Variants in CHRNA9 observed in about 807,000 individuals in gnomAD.
CHRNA9 encodes the protein neuronal acetylcholine receptor subunit alpha-9.
A neutral mutation model predicts 36.8 loss-of-function variants in CHRNA9; 24 were observed. That is an observed-to-expected ratio of 0.65 (90% CI 0.47 to 0.92). CHRNA9 has a LOEUF of 0.92. Among genes scored for constraint, CHRNA9 ranks in the 40% least tolerant of loss-of-function variants. The probability of loss-of-function intolerance (pLI) is 0.00; values close to 1 mark genes in which losing one functional copy is unlikely to be tolerated. For synonymous variants in CHRNA9, 231 were observed against 231.8 expected (o/e 1.00, Z 0.03); for missense variants, 610 against 601.2 (o/e 1.01, Z -0.15).
chr4:40,343,081 C>T (rs769871096), intron 3 of CHRNA9, among the ~76,000 whole-genome samples: 10 of 152,278 alleles, frequency 6.6e-5, no homozygotes, highest in Middle Eastern at 3.4e-3. Context: ...AAACACTGGG[C>T]GACTCTCCCT....
At chr4:40,342,308 T>G (rs1712520845) in intron 3 of CHRNA9, among the ~76,000 whole-genome samples, 5 of 152,132 alleles carry the variant, frequency 3.3e-5, no homozygotes, top group Non-Finnish European at 7.4e-5. Context: ...CAAAGAAACA[T>G]CCTCATGGAA....
At chr4:40,347,480 T>C (rs960270238) in intron 3 of CHRNA9, among the ~76,000 whole-genome samples, 2 of 152,216 alleles carry the variant, frequency 1.3e-5, no homozygotes, top group African/African-American at 4.8e-5. Context: ...TAGAATGCTA[T>C]TTAGACATGA....
At chr4:40,351,698 A>G (rs1274097021) in intron 4 of CHRNA9, among the ~76,000 whole-genome samples, 1 of 152,250 alleles carries the variant, frequency 6.6e-6, no homozygotes, top group Admixed American at 6.5e-5. Context: ...AAAAAAGATG[A>G]TAAACATTAT....
rs200630002 is a variant in CHRNA9, at chr4:40,349,139, T to A, written c.623T>A (p.Met208Lys). Residue 208 changes from methionine (M) to lysine (K), a missense_variant, in exon 4 of 5, where the codon ATG becomes AAG. Met to Lys is a moderately conservative substitution (Grantham distance 95). Coordinates refer to ENST00000310169, the MANE Select transcript of CHRNA9 (RefSeq NM_017581.4). ...IEDVEWEVHG[M>K]PAVKNVISYG... ...GATGTGGAATGGGAGGTCCATGGCA[T>A]GCCCGCTGTGAAGAATGTGATCTCC... The A allele has an allele frequency of 9.6e-5, 155 of 1,614,078 alleles. 3 individuals carry two copies. The Admixed American group carries it at 2.1e-3, about 22-fold the overall frequency.
intron 3 of CHRNA9, among the ~76,000 whole-genome samples, chr4:40,338,858 C>G (rs1325478698): frequency 7.7e-6 from 1 of 129,504 alleles, no homozygotes; most frequent in Admixed American, 7.6e-5. Flanking sequence ...CTCTGTCTCT[C>G]TCTCTCTCTG....
chr4:40,355,104 T>G lies in CHRNA9; in HGVS notation c.*584T>G, dbSNP rs1007849125. The G allele has an allele frequency of 2.6e-4, 39 of 152,352 alleles. No individual in the cohort carries two copies. Among genetic ancestry groups the G allele is most frequent in the African/African-American group, 9.4e-4 (39 of 41,466 alleles). The allele number at this position is 152,352 out of a possible 1,614,324, so 9.4% of individuals were successfully genotyped here. A position where few individuals can be genotyped will look rare whatever the true frequency, so the allele number is the denominator to read the frequency against. On this transcript the variant is annotated 3_prime_UTR_variant, in exon 5 of 5. Transcript: ENST00000310169. ...ATGGTGATGTCGTATATGTTGGTTA[T>G]GTTTTATATAAACCCAAAAGATGAA...
intron 4 of CHRNA9, among the ~76,000 whole-genome samples, chr4:40,352,638 T>C (rs1712834599): frequency 6.7e-6 from 1 of 149,158 alleles, no homozygotes; most frequent in South Asian, 2.1e-4. Flanking sequence ...CAAAAGTTTA[T>C]CAATTTTATT....
chr4:40,348,937 G>C lies in CHRNA9; in HGVS notation c.421G>C (p.Gly141Arg). 1 of 1,614,128 alleles carries C rather than the reference G, an allele frequency of 6.2e-7. No individual in the cohort carries two copies. Among genetic ancestry groups the C allele is most frequent in the Non-Finnish European group, 8.5e-7 (1 of 1,180,014 alleles). Residue 141 changes from glycine (G) to arginine (R), a missense_variant, in exon 4 of 5, where the codon GGG (glycine) becomes CGG (arginine). By Grantham distance (125) the Gly-to-Arg change is moderately radical. Coordinates refer to ENST00000310169, the MANE Select transcript of CHRNA9 (RefSeq NM_017581.4). ...CACCAATGTGGTCCTGCGGTATGAT[G>C]GGCTGATCACCTGGGATGCACCGGC... The part of the protein sequence containing the change: ...VNTNVVLRYD[G>R]LITWDAPAIT...
chr4:40,348,819 G>C (rs1357732712), intron 3 of CHRNA9, 63 bp from the exon 4 acceptor site: 13 of 1,517,406 alleles, frequency 8.6e-6, no homozygotes, highest in Non-Finnish European at 1.2e-5. Context: ...TGAGCTGTCT[G>C]GGGTAAGGAA....
At chr4:40,349,688 A>G in intron 4 of CHRNA9, 1 of 362,590 alleles carries the variant, frequency 2.8e-6, no homozygotes, top group Non-Finnish European at 5.0e-6. Context: ...TGGTCCCCAG[A>G]TGCACAGCAT....
intron 4 of CHRNA9, among the ~76,000 whole-genome samples, chr4:40,352,766 C>A (rs1407686108): frequency 3.3e-5 from 5 of 152,150 alleles, no homozygotes; most frequent in African/African-American, 7.2e-5. Context: ...TTTTCATCAA[C>A]ATGTGCTTTA....
chr4:40,337,709 T>C (rs1392681350), intron 3 of CHRNA9, among the ~76,000 whole-genome samples: 1 of 152,146 alleles, frequency 6.6e-6, no homozygotes, highest in Non-Finnish European at 1.5e-5. Context: ...ATGCCTGAGA[T>C]GAAGGGGTTG....
chr4:40,335,870 T>C lies in CHRNA9; in HGVS notation c.108T>C (p.Asn36=). 6.2e-7 allele frequency: 1 copy of C among 1,613,314 alleles called. No individual in the cohort carries two copies. The highest frequency in any genetic ancestry group is 8.5e-7 in the Non-Finnish European group (1 of 1,179,212). ...ADGKYAQKLF[N]DLFEDYSNAL... The stretch of plus-strand genomic sequence containing the variant: ...GAAAATATGCTCAGAAGTTGTTTAA[T>C]GACCTTTTTGAAGATTATTCTAATG... The change falls in exon 2 of 5, where the codon AAT becomes AAC. Residue 36 remains asparagine, a synonymous_variant. Transcript: ENST00000310169.
intron 3 of CHRNA9, chr4:40,348,272 G>A (rs1712691457): frequency 1.3e-5 from 2 of 152,416 alleles, no homozygotes; most frequent in African/African-American, 4.8e-5. Flanking sequence ...GAAGTAACGG[G>A]AGAAAGAGTA....
chr4:40,345,902 G>A (rs1435861718), intron 3 of CHRNA9, among the ~76,000 whole-genome samples: 1 of 152,102 alleles, frequency 6.6e-6, no homozygotes, highest in Non-Finnish European at 1.5e-5. Context: ...GCTGGCACCT[G>A]TAATCCCAGC....
At position 40,341,286 on chromosome 4, in the gene CHRNA9, G is replaced by T. The variant is rs374987504; in HGVS notation, c.365+3922G>T. Among the ~76,000 whole-genome samples the T allele has an allele frequency of 9.2e-3, 1,358 of 147,224 alleles. 22 individuals are homozygous for T. Among genetic ancestry groups the T allele is most frequent in the African/African-American group, 0.031 (1,239 of 39,986 alleles). ...TTTTCATGGTCAGGTTTTTTTTTTT[G>T]TTTTTTGGCGGGGGTGGTGGCGGTA... On this transcript the variant is annotated intron_variant, in intron 3 of 4. Transcript: ENST00000310169.
chr4:40,350,802 C>T (rs1280651253), intron 4 of CHRNA9, among the ~76,000 whole-genome samples: 1 of 151,442 alleles, frequency 6.6e-6, no homozygotes, highest in Non-Finnish European at 1.5e-5. Context: ...ATTTTATTAC[C>T]TCTCCTGAGG....
chr4:40,335,411 G>C lies in CHRNA9; in HGVS notation c.-57G>C. On this transcript the variant is annotated 5_prime_UTR_variant, in exon 1 of 5. Coordinates refer to ENST00000310169, the MANE Select transcript of CHRNA9 (RefSeq NM_017581.4). Reference sequence around the variant, plus strand: ...GCCCAGATCCTTTGTATTCATAGGGGGAAGTGGAAGACCACGCTGCCTGAC... The same window carrying C: ...GCCCAGATCCTTTGTATTCATAGGGCGAAGTGGAAGACCACGCTGCCTGAC... 2 of 1,277,362 alleles carry C rather than the reference G, an allele frequency of 1.6e-6. No individual in the cohort carries two copies. Among genetic ancestry groups the C allele is most frequent in the South Asian group, 2.4e-5 (2 of 84,314 alleles). The allele number at this position is 1,277,362 out of a possible 1,614,324, so 79.1% of individuals were successfully genotyped here.
intron 4 of CHRNA9, among the ~76,000 whole-genome samples, chr4:40,353,730 G>A (rs148469664): frequency 2.0e-5 from 3 of 152,254 alleles, no homozygotes; most frequent in African/African-American, 7.2e-5. Context: ...ATTGCCTGCG[G>A]TATTCAATAC....
Sources: gnomAD v4.1 joint callset for allele counts (sites outside exome capture counted in the v4.1 genomes callset) on GRCh38, gnomAD v4.1.1 for gene constraint, MANE v1.5 for transcripts, NCBI Gene and HGNC (gene_info 2026-07-23, HGNC 2026-07-21) for gene names.